Variants in PHKB observed in about 807,000 individuals in gnomAD.
The protein encoded by PHKB is phosphorylase kinase regulatory subunit beta.
In PHKB, 122 loss-of-function variants were observed where a neutral mutation model predicts 152.1. The ratio of observed to expected loss-of-function variants is 0.80; its 90% CI spans 0.69 to 0.93. PHKB has a LOEUF of 0.93. Ranked by LOEUF, PHKB falls within the 40% of genes least tolerant of loss-of-function variation. PHKB has a pLI of 0.00. For missense variants in PHKB, 1,304 were observed against 1,328.4 expected (o/e 0.98, Z 0.29); for synonymous variants, 436 against 464.9 (o/e 0.94, Z 0.80).
intron 26 of PHKB, among the ~76,000 whole-genome samples, chr16:47,671,649 T>G (rs1438100629): frequency 6.6e-6 from 1 of 152,222 alleles, no homozygotes; most frequent in Non-Finnish European, 1.5e-5. Flanking sequence ...CATTGCCTAT[T>G]TGGCAATATC....
At position 47,623,616 on chromosome 16, in the gene PHKB, G is replaced by A. The variant is rs1354762724; in HGVS notation, c.1458+12696G>A. ...TCTTGCTCTTGTTGCCCAGGCTGGAGTGCAATGGCTCACTGGAATCTCTGC... is the reference window on the plus strand; with the variant it reads ...TCTTGCTCTTGTTGCCCAGGCTGGAATGCAATGGCTCACTGGAATCTCTGC... On this transcript the variant is annotated intron_variant, in intron 14 of 30. Transcript: ENST00000323584. 4.8e-5 allele frequency among the ~76,000 whole-genome samples: 7 copies of A among 145,158 alleles called. No individual in the cohort carries two copies. In the Admixed American group the frequency reaches 4.9e-4, roughly 10 times the overall value.
At chr16:47,665,206 C>T (rs1394998257) in intron 25 of PHKB, 1 of 485,870 alleles carries the variant, frequency 2.1e-6, no homozygotes, top group Non-Finnish European at 3.7e-6. Flanking sequence ...CTGTGGATAT[C>T]CTGAAATACA....
At chr16:47,647,501 CTTT>C in intron 16 of PHKB, among the ~76,000 whole-genome samples, 2 of 144,736 alleles carry the variant, frequency 1.4e-5, no homozygotes, top group Admixed American at 6.9e-5. Flanking sequence ...ATTTTAACAT[CTTT>C]TTTTTTTTTT....
intron 6 of PHKB, among the ~76,000 whole-genome samples, chr16:47,524,033 C>T (rs1970726941): frequency 6.6e-6 from 1 of 152,068 alleles, no homozygotes; most frequent in Non-Finnish European, 1.5e-5. Context: ...GAGAATAGGG[C>T]AATTTCACAT....
intron 14 of PHKB, among the ~76,000 whole-genome samples, chr16:47,618,709 GCTTTT>G (rs2151713723): frequency 6.6e-6 from 1 of 152,210 alleles, no homozygotes; most frequent in African/African-American, 2.4e-5. Context: ...AACAGTGTCT[GCTTTT>G]CTACCCCCAC....
intron 7 of PHKB, among the ~76,000 whole-genome samples, chr16:47,551,096 T>G (rs1434803295): frequency 6.6e-6 from 1 of 152,178 alleles, no homozygotes; most frequent in Non-Finnish European, 1.5e-5. Context: ...GTCTATTTGA[T>G]TCTTCTCTCT....
chr16:47,601,549 C>CA (rs1218077168), intron 13 of PHKB, among the ~76,000 whole-genome samples: 1 of 151,618 alleles, frequency 6.6e-6, no homozygotes, highest in Non-Finnish European at 1.5e-5. Flanking sequence ...ACTAAAAATA[C>CA]AAAAAATTAG....
Position 47,648,632 on chromosome 16 carries a change from C to T in PHKB, c.1692+16C>T. On this transcript the variant is annotated intron_variant, in intron 17 of 30. Transcript: ENST00000323584. ...GACATCAAAGGTACTCATGAAATGT[C>T]CTCAAAAAGTAGTTTTTGGATTCTA... The T allele has an allele frequency of 6.3e-7, 1 of 1,576,366 alleles. No homozygotes were observed. Among genetic ancestry groups the T allele is most frequent in the South Asian group, 1.1e-5 (1 of 90,292 alleles).
chr16:47,532,578 G>A (rs533891741), intron 6 of PHKB, among the ~76,000 whole-genome samples: 28 of 152,328 alleles, frequency 1.8e-4, no homozygotes, highest in African/African-American at 6.3e-4. Flanking sequence ...CTGCTGCAAC[G>A]GAGTGGGCAG....
At chr16:47,571,985 C>T (rs544992842) in intron 7 of PHKB, among the ~76,000 whole-genome samples, 3 of 152,242 alleles carry the variant, frequency 2.0e-5, no homozygotes, top group Admixed American at 2.0e-4. Context: ...TGGGTTTAGC[C>T]ACCTCAGGGA....
At position 47,660,650 on chromosome 16, in the gene PHKB, T is replaced by G. The variant is rs765213171; in HGVS notation, c.2034-7T>G. On this transcript the variant is annotated splice_polypyrimidine_tract_variant and splice_region_variant and intron_variant, in intron 21 of 30. Coordinates refer to ENST00000323584, the MANE Select transcript of PHKB (RefSeq NM_000293.3). Reference sequence around the variant, plus strand: ...GAAAATATGAAACCTTTTCTTTTAATTTTTAGGCTTCCAGAATTTAAGAGT... The same window carrying G: ...GAAAATATGAAACCTTTTCTTTTAAGTTTTAGGCTTCCAGAATTTAAGAGT... The G allele has an allele frequency of 7.4e-6, 12 of 1,613,672 alleles. No homozygotes were observed. The South Asian group carries it at 1.3e-4, about 18-fold the overall frequency.
Position 47,515,528 on chromosome 16 carries a change from C to T in PHKB, c.521C>T (p.Ala174Val). ...TGTTTCTGTTTGTTGCAGATAAATGCAGTGTCACTTTATCTCCTTTACCTT... is the reference window on the plus strand; with the variant it reads ...TGTTTCTGTTTGTTGCAGATAAATGTAGTGTCACTTTATCTCCTTTACCTT... ...YEEYGHLQIN[A>V]VSLYLLYLVE... The change falls in exon 6 of 31, where the codon GCA (alanine) becomes GTA (valine). Residue 174 changes from alanine to valine, a missense_variant. By Grantham distance (64) the Ala-to-Val change is moderately conservative (BLOSUM62 0). Transcript: ENST00000323584. 1 of 1,393,132 alleles carries T rather than the reference C, an allele frequency of 7.2e-7. No individual in the cohort carries two copies. Among genetic ancestry groups the T allele is most frequent in the East Asian group, 2.3e-5 (1 of 43,690 alleles). The allele number at this position is 1,393,132 out of a possible 1,614,324, so 86.3% of individuals were successfully genotyped here.
chr16:47,562,834 T>C (rs1971498753), intron 7 of PHKB, among the ~76,000 whole-genome samples: 1 of 152,210 alleles, frequency 6.6e-6, no homozygotes, highest in Non-Finnish European at 1.5e-5. Context: ...CATTAGAACT[T>C]TTCTCAAAAT....
chr16:47,482,157 TC>T (rs1360382399), intron 1 of PHKB, among the ~76,000 whole-genome samples: 1 of 152,254 alleles, frequency 6.6e-6, no homozygotes, highest in East Asian at 1.9e-4. Context: ...GCAAGGCACT[TC>T]CTTAGACGGA....
intron 18 of PHKB, 114 bp from the exon 19 acceptor site, chr16:47,650,430 A>AT: frequency 1.4e-6 from 1 of 725,578 alleles, no homozygotes; most frequent in Non-Finnish European, 2.5e-6. Flanking sequence ...TCAGGGTTGG[A>AT]TTGTGAACTG....
chr16:47,605,819 T>C (rs1200927086), intron 13 of PHKB, among the ~76,000 whole-genome samples: 5 of 152,212 alleles, frequency 3.3e-5, no homozygotes, highest in African/African-American at 4.8e-5. Context: ...TCATCCTCCT[T>C]CTGCTATTAT....
intron 1 of PHKB, among the ~76,000 whole-genome samples, chr16:47,471,340 T>C (rs964387005): frequency 2.6e-5 from 4 of 152,136 alleles, no homozygotes; most frequent in African/African-American, 9.7e-5. Flanking sequence ...GCCTTGAAGA[T>C]GTTTGAATTT....
Position 47,475,657 on chromosome 16 carries a change from T to G in PHKB, c.76+14231T>G, listed in dbSNP as rs1009123778. Among the ~76,000 whole-genome samples the G allele has an allele frequency of 3.9e-5, 6 of 152,206 alleles. No homozygotes were observed. In the East Asian group the frequency reaches 1.2e-3, roughly 29 times the overall value. Reference sequence around the variant, plus strand: ...GAACCATGCCCCATTTGGTGACATTTCTCTTAGCAAATTCCCATGCTTCCA... The same window carrying G: ...GAACCATGCCCCATTTGGTGACATTGCTCTTAGCAAATTCCCATGCTTCCA... On this transcript the variant is annotated intron_variant, in intron 1 of 30. Transcript: ENST00000323584.
chr16:47,520,423 C>T (rs1970666275), intron 6 of PHKB, among the ~76,000 whole-genome samples: 1 of 152,186 alleles, frequency 6.6e-6, no homozygotes, highest in Non-Finnish European at 1.5e-5. Flanking sequence ...ATGCAGAGAG[C>T]CACTAAGTGG....
Sources: gnomAD v4.1 joint callset for allele counts (sites outside exome capture counted in the v4.1 genomes callset) on GRCh38, gnomAD v4.1.1 for gene constraint, MANE v1.5 for transcripts, NCBI Gene and HGNC (gene_info 2026-07-23, HGNC 2026-07-21) for gene names.